TRAPPC10: variants seen among roughly 807,000 people sequenced by gnomAD.
The protein encoded by TRAPPC10 is TRAPP 130 kDa subunit.
A neutral mutation model predicts 125.5 loss-of-function variants in TRAPPC10; 23 were observed. The observed-to-expected ratio is 0.18, with a 90% CI of 0.13 to 0.26. TRAPPC10 has a LOEUF of 0.26. Ranked by LOEUF, TRAPPC10 falls within the 10% of genes least tolerant of loss-of-function variation. The pLI is 1.00. For synonymous variants in TRAPPC10, 509 were observed against 518.0 expected, an observed-to-expected ratio of 0.98 and a Z score of 0.24; for missense variants, 1,123 against 1,308.4, an observed-to-expected ratio of 0.86 and a Z score of 2.19.
rs190360199 is a variant in TRAPPC10 at position 44,038,645 on chromosome 21, T to C, written c.285+718T>C. On this transcript the variant is annotated intron_variant, in intron 3 of 22. Transcript: ENST00000291574. ...TCTGTCGTGAACTAATAGAAAATTCTGTGCGGCACTTCTTCCTGTATTTTG... is the reference window on the plus strand; with the variant it reads ...TCTGTCGTGAACTAATAGAAAATTCCGTGCGGCACTTCTTCCTGTATTTTG... Among the ~76,000 whole-genome samples the C allele has an allele frequency of 3.3e-3, 504 of 152,314 alleles. 2 individuals are homozygous for C. Among genetic ancestry groups the C allele is most frequent in the African/African-American group, 0.011 (471 of 41,564 alleles).
At chr21:44,014,397 T>G (rs911197003) in intron 1 of TRAPPC10, among the ~76,000 whole-genome samples, 2 of 147,238 alleles carry the variant, frequency 1.4e-5, no homozygotes, top group African/African-American at 5.2e-5. Flanking sequence ...TTTTTTTTCC[T>G]TCTTCTTCTT....
intron 3 of TRAPPC10, among the ~76,000 whole-genome samples, chr21:44,051,254 C>A (rs1338163704): frequency 1.3e-5 from 2 of 152,150 alleles, no homozygotes; most frequent in African/African-American, 4.8e-5. Context: ...CTTCTCTCTG[C>A]CTGAGTGTTA....
chr21:44,054,377 C>T (rs1005847231), intron 4 of TRAPPC10, among the ~76,000 whole-genome samples: 1 of 152,122 alleles, frequency 6.6e-6, no homozygotes, highest in Non-Finnish European at 1.5e-5. Flanking sequence ...TTTATAATTC[C>T]ATGAATTTAG....
rs1053503381 is a variant in TRAPPC10 at position 44,084,384 on chromosome 21, A to C, written c.2380+121A>C. 3.0e-6 allele frequency: 3 copies of C among 999,860 alleles called. No individual in the cohort carries two copies. The African/African-American group carries it at 5.0e-5, about 17-fold the overall frequency. The allele number at this position is 999,860 out of a possible 1,614,324, so 61.9% of individuals were successfully genotyped here. A position where few individuals can be genotyped will look rare whatever the true frequency, so the allele number is the denominator to read the frequency against. On this transcript the variant is annotated intron_variant, in intron 15 of 22. Coordinates refer to ENST00000291574, the MANE Select transcript of TRAPPC10 (RefSeq NM_003274.5). Reference sequence around the variant, plus strand: ...TCTGCCTTTAAGAGATATTTTGGGTAACATAATGGAAATTTTGCCTGGGAA... The same window carrying C: ...TCTGCCTTTAAGAGATATTTTGGGTCACATAATGGAAATTTTGCCTGGGAA...
chr21:44,037,775 C>G lies in TRAPPC10; in HGVS notation c.150-17C>G. 6.2e-7 allele frequency: 1 copy of G among 1,606,132 alleles called. No individual in the cohort carries two copies. The highest frequency in any genetic ancestry group is 8.5e-7 in the Non-Finnish European group (1 of 1,176,382). On this transcript the variant is annotated splice_polypyrimidine_tract_variant and intron_variant, in intron 2 of 22. Coordinates refer to ENST00000291574, the MANE Select transcript of TRAPPC10 (RefSeq NM_003274.5). ...TGTTTAGTTGTTTTCTCAGTGACTTCAAACAATTGTTTACAGGTCCTATGG... is the reference window on the plus strand; with the variant it reads ...TGTTTAGTTGTTTTCTCAGTGACTTGAAACAATTGTTTACAGGTCCTATGG...
At position 44,063,437 on chromosome 21, in the gene TRAPPC10, T is replaced by C; in HGVS notation, c.791-101T>C. The C allele has an allele frequency of 5.3e-6, 8 of 1,514,848 alleles. No homozygotes were observed. Among genetic ancestry groups the C allele is most frequent in the Non-Finnish European group, 7.1e-6 (8 of 1,123,186 alleles). 93.8% of individuals were successfully genotyped at this position (1,514,848 alleles called of 1,614,324 possible). A position where few individuals can be genotyped will look rare whatever the true frequency, so the allele number is the denominator to read the frequency against. ...GGGCCAGTGTTCATAGAAAAACTGG[T>C]TATGAAGCTGCCTGTTTGCCCACCA... On this transcript the variant is annotated intron_variant, in intron 6 of 22. Coordinates refer to ENST00000291574, the MANE Select transcript of TRAPPC10 (RefSeq NM_003274.5). This position sits in a 1 kb window ranked among gnomAD's most constrained non-coding sequence, Gnocchi z 4.4.
chr21:44,076,343 A>T (rs1352113773), intron 9 of TRAPPC10, among the ~76,000 whole-genome samples: 1 of 152,268 alleles, frequency 6.6e-6, no homozygotes, highest in Non-Finnish European at 1.5e-5. Flanking sequence ...TCAGAGAAAA[A>T]GCATGACACA....
At position 44,084,276 on chromosome 21, in the gene TRAPPC10, C is replaced by A. The variant is rs1405184895; in HGVS notation, c.2380+13C>A. The A allele has an allele frequency of 1.2e-6, 2 of 1,611,758 alleles. No individual in the cohort carries two copies. The highest frequency in any genetic ancestry group is 1.7e-6 in the Non-Finnish European group (2 of 1,179,212). On this transcript the variant is annotated intron_variant, in intron 15 of 22. Transcript: ENST00000291574. ...GAGCCGCTGGCTGGTGAGTGGGGTC[C>A]CCAGCCTTTGAGGAGGCGTGCTGCT...
intron 7 of TRAPPC10, among the ~76,000 whole-genome samples, chr21:44,070,207 AAG>A (rs1248106083): frequency 2.6e-5 from 4 of 152,310 alleles, no homozygotes; most frequent in African/African-American, 9.6e-5. Context: ...GGGGTATCAA[AAG>A]AGAGAAGAAC....
In TRAPPC10 at chr21:44,063,631, C is replaced by T. The variant is rs754988460; in HGVS notation, c.884C>T (p.Ser295Leu). 21 of 1,614,076 alleles carry T rather than the reference C, an allele frequency of 1.3e-5. No homozygotes were observed. Among genetic ancestry groups the T allele is most frequent in the African/African-American group, 1.2e-4 (9 of 74,930 alleles). ...CCCATAGATATGGAGAAGCGGGAAT[C>T]GATCCAGAGGCGAGAAGCCACCCTG... ...RKPIDMEKRE[S>L]IQRREATLLD... Residue 295 changes from serine to leucine, a missense_variant, in exon 7 of 23, where the codon TCG (serine) becomes TTG (leucine). Around this residue, in one of 4 missense-constraint regions of TRAPPC10, gnomAD observed 91 missense variants for 127.1 expected, o/e 0.72. Transcript: ENST00000291574. The surrounding 1 kb of genome is among the most constrained non-coding windows in gnomAD (Gnocchi z 4.4).
At chr21:44,085,786 A>G (rs552211919) in intron 15 of TRAPPC10, among the ~76,000 whole-genome samples, 2 of 152,282 alleles carry the variant, frequency 1.3e-5, no homozygotes, top group South Asian at 4.1e-4. Flanking sequence ...ATTCAAAGCT[A>G]TTGTCCTTTC....
intron 8 of TRAPPC10, 87 bp downstream of exon 8, chr21:44,074,557 G>A: frequency 6.4e-7 from 1 of 1,563,502 alleles, no homozygotes; most frequent in East Asian, 2.3e-5. Context: ...TGGAGGAGAG[G>A]TGTTGCTCAT....
chr21:44,017,177 G>A (rs1490380206), intron 1 of TRAPPC10, among the ~76,000 whole-genome samples: 1 of 152,170 alleles, frequency 6.6e-6, no homozygotes, highest in African/African-American at 2.4e-5. Flanking sequence ...TTAGGAAATC[G>A]CAGTTGTTGC....
chr21:44,070,992 G>A (rs1270202281), intron 7 of TRAPPC10, among the ~76,000 whole-genome samples: 1 of 152,200 alleles, frequency 6.6e-6, no homozygotes, highest in Admixed American at 6.5e-5. Context: ...CCAGACACTT[G>A]ATAGGAGTGG....
At chr21:44,075,598 G>T (rs2037217781) in intron 9 of TRAPPC10, among the ~76,000 whole-genome samples, 1 of 151,872 alleles carries the variant, frequency 6.6e-6, no homozygotes, top group African/African-American at 2.4e-5. Flanking sequence ...GGATCCTCTT[G>T]CCTCACCCTC....
intron 3 of TRAPPC10, among the ~76,000 whole-genome samples, chr21:44,039,139 G>C (rs920339014): frequency 1.1e-4 from 17 of 152,192 alleles, no homozygotes; most frequent in African/African-American, 4.1e-4. Flanking sequence ...ATCTAACTCT[G>C]GGGAGCCACT....
At chr21:44,028,896 G>T (rs574417824) in intron 1 of TRAPPC10, among the ~76,000 whole-genome samples, 2 of 152,248 alleles carry the variant, frequency 1.3e-5, no homozygotes, top group African/African-American at 4.8e-5. Flanking sequence ...TTGCCCGTGG[G>T]ATTAAAATGA....
chr21:44,089,336 A>G lies in TRAPPC10; in HGVS notation c.2770-497A>G, dbSNP rs192741696. ...TAAGGGATGTAATAGCTTTGTCCTC[A>G]CTGTGCCCCTAAACTGATTTGGTTT... On this transcript the variant is annotated intron_variant, in intron 17 of 22. Coordinates refer to ENST00000291574, the MANE Select transcript of TRAPPC10 (RefSeq NM_003274.5). 6 of 357,042 alleles carry G rather than the reference A, an allele frequency of 1.7e-5. No individual in the cohort carries two copies. In the East Asian group the frequency reaches 3.8e-4, roughly 23 times the overall value. The allele number at this position is 357,042 out of a possible 1,614,324, so 22.1% of individuals were successfully genotyped here.
At chr21:44,038,543 G>A (rs964133019) in intron 3 of TRAPPC10, among the ~76,000 whole-genome samples, 5 of 152,056 alleles carry the variant, frequency 3.3e-5, no homozygotes, top group East Asian at 1.9e-4. Context: ...CCCTGTGGCC[G>A]CCACAGCTTT....
Sources: gnomAD v4.1 joint callset for allele counts (sites outside exome capture counted in the v4.1 genomes callset) on GRCh38, gnomAD v4.1.1 for gene constraint, gnomAD v4.1.1 regional missense constraint, Gnocchi (gnomAD v3.1) non-coding constraint, MANE v1.5 for transcripts, NCBI Gene and HGNC (gene_info 2026-07-23, HGNC 2026-07-21) for gene names.